PDCD6IP: variants seen among roughly 807,000 people sequenced by gnomAD.
The protein encoded by PDCD6IP is programmed cell death 6-interacting protein.
In PDCD6IP, 43 loss-of-function variants were observed where a neutral mutation model predicts 103.7. That is an observed-to-expected ratio of 0.41 (90% CI 0.32 to 0.53). The LOEUF (loss-of-function observed/expected upper bound fraction) is 0.53. Among genes scored for constraint, PDCD6IP ranks in the 20% least tolerant of loss-of-function variants. The probability of loss-of-function intolerance (pLI) is 0.16; values close to 1 mark genes in which losing one functional copy is unlikely to be tolerated. For synonymous variants in PDCD6IP, 354 were observed against 378.7 expected (o/e 0.93, Z 0.76); for missense variants, 871 against 1,036.7 (o/e 0.84, Z 2.20).
At chr3:33,841,074 C>G (rs922445506) in intron 9 of PDCD6IP, among the ~76,000 whole-genome samples, 1 of 148,510 alleles carries the variant, frequency 6.7e-6, no homozygotes, top group Admixed American at 6.9e-5. Flanking sequence ...GTCGCCCAGG[C>G]TGGAATGCAG....
intron 3 of PDCD6IP, 69 bp from the exon 4 acceptor site, chr3:33,821,886 T>C: frequency 2.0e-6 from 3 of 1,465,560 alleles, no homozygotes; most frequent in Non-Finnish European, 2.8e-6. Context: ...TCATAGTATT[T>C]CTCTTTGAAA....
chr3:33,831,550 G>A (rs1697245339), intron 7 of PDCD6IP, among the ~76,000 whole-genome samples: 1 of 152,048 alleles, frequency 6.6e-6, no homozygotes, highest in African/African-American at 2.4e-5. Context: ...TGGCAAAATG[G>A]TAATTGTTGA....
rs1269782705 is a variant in PDCD6IP, at chr3:33,849,346, T to A, written c.1642-3142T>A. ...TTCCGTGGCTGTTACCTCTTTTTCA[T>A]TAGTCTTAGATGTCACCTCTTCTCC... is the stretch of plus-strand genomic sequence containing the variant. On this transcript the variant is annotated intron_variant, in intron 12 of 17. Transcript: ENST00000307296. Among the ~76,000 whole-genome samples the A allele has an allele frequency of 2.0e-5, 3 of 152,220 alleles. 1 individual carries two copies. Among genetic ancestry groups the A allele is most frequent in the Non-Finnish European group, 4.4e-5 (3 of 68,040 alleles).
chr3:33,861,417 A>G (rs1186962008), intron 15 of PDCD6IP, among the ~76,000 whole-genome samples: 6 of 152,196 alleles, frequency 3.9e-5, no homozygotes, highest in African/African-American at 1.2e-4. Flanking sequence ...CTGGGATTAC[A>G]GGCGTGAGCC....
intron 3 of PDCD6IP, among the ~76,000 whole-genome samples, chr3:33,816,589 G>C (rs1005602511): frequency 1.7e-4 from 25 of 151,146 alleles, no homozygotes; most frequent in African/African-American, 5.8e-4. Flanking sequence ...ATCCTTGACA[G>C]AGTCATTGTG....
intron 3 of PDCD6IP, among the ~76,000 whole-genome samples, chr3:33,821,078 C>G (rs1415333174): frequency 6.6e-6 from 1 of 152,104 alleles, no homozygotes; most frequent in African/African-American, 2.4e-5. Context: ...ATGATCATAG[C>G]TCACTGCAGC....
chr3:33,818,409 A>G (rs1450540007), intron 3 of PDCD6IP, among the ~76,000 whole-genome samples: 2 of 150,496 alleles, frequency 1.3e-5, no homozygotes, highest in Non-Finnish European at 3.0e-5. Flanking sequence ...CGCCTGGCTG[A>G]TATTTAATTT....
chr3:33,830,361 A>G (rs79602364), intron 7 of PDCD6IP, among the ~76,000 whole-genome samples: 5,909 of 152,020 alleles, frequency 0.039, 158 homozygotes, highest in Middle Eastern at 0.14. Flanking sequence ...TAGTTTCTTT[A>G]TTTTCTGGTT....
intron 1 of PDCD6IP, among the ~76,000 whole-genome samples, chr3:33,801,614 C>T (rs996559558): frequency 3.4e-5 from 5 of 146,124 alleles, no homozygotes; most frequent in South Asian, 2.3e-4. Flanking sequence ...CATACTGAGA[C>T]GCTGTCTCAA....
chr3:33,828,259 C>T (rs1043932370), intron 6 of PDCD6IP, among the ~76,000 whole-genome samples: 3 of 152,092 alleles, frequency 2.0e-5, no homozygotes, highest in Non-Finnish European at 4.4e-5. Context: ...GAGTATATGA[C>T]ACTGAAATAT....
At chr3:33,822,725 G>A (rs1023835218) in intron 4 of PDCD6IP, among the ~76,000 whole-genome samples, 1 of 151,960 alleles carries the variant, frequency 6.6e-6, no homozygotes, top group Non-Finnish European at 1.5e-5. Context: ...GCACAATCTC[G>A]GCTCACTGCA....
intron 17 of PDCD6IP, 81 bp downstream of exon 17, chr3:33,865,511 C>G: frequency 1.7e-6 from 2 of 1,171,308 alleles, no homozygotes; most frequent in South Asian, 1.6e-5. Context: ...CAGGGTCATC[C>G]CTTCTCCAAA....
chr3:33,855,122 A>G, intron 14 of PDCD6IP, 44 bp from the exon 15 acceptor site: 1 of 1,250,074 alleles, frequency 8.0e-7, no homozygotes, highest in East Asian at 2.3e-5. Context: ...TCTGGATTAA[A>G]AAATTGTTCT....
At chr3:33,862,030 A>G (rs1220330773) in intron 15 of PDCD6IP, among the ~76,000 whole-genome samples, 1 of 152,048 alleles carries the variant, frequency 6.6e-6, no homozygotes, top group Non-Finnish European at 1.5e-5. Context: ...TATATCTTTT[A>G]TAAGTGGCTA....
At chr3:33,857,056 T>C (rs376418826) in intron 15 of PDCD6IP, among the ~76,000 whole-genome samples, 3 of 152,280 alleles carry the variant, frequency 2.0e-5, no homozygotes, top group South Asian at 4.1e-4. Context: ...TCTGCTCATG[T>C]TCATGAGAGA....
intron 4 of PDCD6IP, among the ~76,000 whole-genome samples, chr3:33,823,854 CAGTT>C (rs1029112602): frequency 1.0e-4 from 15 of 143,310 alleles, no homozygotes; most frequent in African/African-American, 3.5e-4. Context: ...AACTGTAACT[CAGTT>C]AGTTAGTATA....
chr3:33,805,567 A>G (rs898585663), intron 1 of PDCD6IP, among the ~76,000 whole-genome samples: 13 of 151,366 alleles, frequency 8.6e-5, no homozygotes, highest in Non-Finnish European at 1.6e-4. Flanking sequence ...AAGTGGGTGC[A>G]TACTACCATA....
chr3:33,824,083 C>T (rs1256917664), intron 4 of PDCD6IP, among the ~76,000 whole-genome samples: 3 of 152,140 alleles, frequency 2.0e-5, no homozygotes, highest in Non-Finnish European at 4.4e-5. Flanking sequence ...GAGACTCAGA[C>T]ACTTTGCTGT....
chr3:33,811,562 C>T (rs192527372), intron 1 of PDCD6IP, among the ~76,000 whole-genome samples: 45 of 152,180 alleles, frequency 3.0e-4, no homozygotes, highest in Non-Finnish European at 6.3e-4. Flanking sequence ...GAAAACAGGT[C>T]GGAAAGAATG....
Sources: gnomAD v4.1 joint callset for allele counts (sites outside exome capture counted in the v4.1 genomes callset) on GRCh38, gnomAD v4.1.1 for gene constraint, MANE v1.5 for transcripts, NCBI Gene and HGNC (gene_info 2026-07-23, HGNC 2026-07-21) for gene names.